Variants in VAT1L observed in about 807,000 individuals in gnomAD.
The protein encoded by VAT1L is putative NADPH-dependent quinone oxidoreductase VAT1L.
In VAT1L, 34 loss-of-function variants were observed where a neutral mutation model predicts 44.1. That is an observed-to-expected ratio of 0.77 (90% CI 0.59 to 1.03). VAT1L has a LOEUF of 1.03. VAT1L is among the 50% of genes least tolerant of loss of function. The probability of loss-of-function intolerance (pLI) is 0.00; values close to 1 mark genes in which losing one functional copy is unlikely to be tolerated. For synonymous variants in VAT1L, 253 were observed against 202.2 expected (o/e 1.25, Z -2.13); for missense variants, 615 against 538.8 (o/e 1.14, Z -1.40).
At chr16:77,834,085 T>C (rs960435225) in intron 3 of VAT1L, among the ~76,000 whole-genome samples, 2 of 152,198 alleles carry the variant, frequency 1.3e-5, no homozygotes, top group Non-Finnish European at 2.9e-5. Context: ...AATCTGTTCT[T>C]GTCACTTCCT....
At chr16:77,944,783 G>A (rs1474134542) in intron 7 of VAT1L, among the ~76,000 whole-genome samples, 1 of 152,086 alleles carries the variant, frequency 6.6e-6, no homozygotes, top group African/African-American at 2.4e-5. Context: ...TTAAACAGTT[G>A]TGGGTGGCTG....
intron 7 of VAT1L, among the ~76,000 whole-genome samples, chr16:77,914,055 C>G (rs528923767): frequency 3.0e-4 from 45 of 152,268 alleles, no homozygotes; most frequent in Middle Eastern, 3.4e-3. Context: ...ATTCAGAGAG[C>G]TTTTACTGCA....
At chr16:77,861,020 G>A (rs764808065) in intron 3 of VAT1L, among the ~76,000 whole-genome samples, 6 of 152,178 alleles carry the variant, frequency 3.9e-5, no homozygotes, top group African/African-American at 7.2e-5. Flanking sequence ...CTTTCTGAAT[G>A]TCTTTTCCTT....
Position 77,979,927 on chromosome 16 carries a change from G to C in VAT1L, c.*2232G>C, listed in dbSNP as rs747415878. 5.2e-5 allele frequency: 8 copies of C among 152,656 alleles called. No individual in the cohort carries two copies. Among genetic ancestry groups the C allele is most frequent in the Admixed American group, 1.3e-4 (2 of 15,280 alleles). 9.5% of individuals were successfully genotyped at this position (152,656 alleles called of 1,614,324 possible). On this transcript the variant is annotated 3_prime_UTR_variant, in exon 9 of 9. Transcript: ENST00000302536. ...TTGTTTTTTCTGAAGGAAGTGTAAA[G>C]AATGTCTCAGTCTGCCTTAAAGGAA... is the stretch of plus-strand genomic sequence containing the variant.
intron 3 of VAT1L, among the ~76,000 whole-genome samples, chr16:77,827,685 C>T (rs1391447631): frequency 1.3e-5 from 2 of 152,172 alleles, no homozygotes; most frequent in Non-Finnish European, 2.9e-5. Context: ...GGGAAATGGT[C>T]ATCCATGTGA....
chr16:77,882,126 G>A (rs1000806663), intron 6 of VAT1L: 2 of 152,296 alleles, frequency 1.3e-5, no homozygotes, highest in Non-Finnish European at 1.5e-5. Flanking sequence ...GGGTCATTTG[G>A]AAGAAAACTG....
At chr16:77,935,969 C>T (rs2017790835) in intron 7 of VAT1L, among the ~76,000 whole-genome samples, 1 of 152,172 alleles carries the variant, frequency 6.6e-6, no homozygotes, top group Non-Finnish European at 1.5e-5. Context: ...TTCTCCAGAG[C>T]ATCCTGCTTC....
chr16:77,792,111 G>A (rs1180178232), intron 1 of VAT1L, among the ~76,000 whole-genome samples: 1 of 152,118 alleles, frequency 6.6e-6, no homozygotes, highest in African/African-American at 2.4e-5. Flanking sequence ...GAACTTCATG[G>A]TATTGTTGAA....
At chr16:77,828,216 C>T (rs983581846) in intron 3 of VAT1L, among the ~76,000 whole-genome samples, 1 of 152,192 alleles carries the variant, frequency 6.6e-6, no homozygotes, top group Non-Finnish European at 1.5e-5. Flanking sequence ...CATCACACTC[C>T]CCTGCAGGGA....
intron 3 of VAT1L, among the ~76,000 whole-genome samples, chr16:77,851,648 G>A (rs2016809698): frequency 6.6e-6 from 1 of 151,922 alleles, no homozygotes; most frequent in Admixed American, 6.6e-5. Context: ...TTGAAAACCT[G>A]TATTAAAAAA....
chr16:77,817,150 G>A, intron 2 of VAT1L, 100 bp downstream of exon 2: 1 of 1,476,284 alleles, frequency 6.8e-7, no homozygotes, highest in Non-Finnish European at 9.1e-7. Context: ...CCTATGGCGT[G>A]CATTATTATC....
In VAT1L at chr16:77,884,686, C is replaced by A. The variant is rs528576825; in HGVS notation, c.961C>A (p.Leu321Met). 2 of 1,612,866 alleles carry A rather than the reference C, an allele frequency of 1.2e-6. 1 individual carries two copies. The highest frequency in any genetic ancestry group is 2.2e-5 in the South Asian group (2 of 90,722). Residue 321 changes from leucine (L) to methionine (M), a missense_variant, in exon 7 of 9, where the codon CTG becomes ATG. Physicochemically the swap from Leu to Met is conservative, Grantham distance 15 (BLOSUM62 2). Coordinates refer to ENST00000302536, the MANE Select transcript of VAT1L (RefSeq NM_020927.3). The surrounding 1 kb of genome is among the most constrained non-coding windows in gnomAD (Gnocchi z 4.5). ...KVIAGFSLLN[L>M]LFKQGRAGLI... ...CATCGCGGGGTTTTCCCTTTTAAAT[C>A]TGCTCTTCAAACAAGGCCGGGCGGG... is the stretch of plus-strand genomic sequence containing the variant.
intron 3 of VAT1L, among the ~76,000 whole-genome samples, chr16:77,843,270 G>A (rs977308294): frequency 6.8e-4 from 103 of 152,162 alleles, no homozygotes; most frequent in African/African-American, 2.3e-3. Flanking sequence ...GTTGGCCTCC[G>A]AGAAGCCAGC....
At chr16:77,889,971 C>A (rs1230818339) in intron 7 of VAT1L, among the ~76,000 whole-genome samples, 1 of 152,130 alleles carries the variant, frequency 6.6e-6, no homozygotes, top group African/African-American at 2.4e-5. Context: ...CCTATAGTCC[C>A]AGCTACTTGG....
chr16:77,851,391 G>A lies in VAT1L; in HGVS notation c.580-11357G>A, dbSNP rs995484284. Among the ~76,000 whole-genome samples the A allele has an allele frequency of 3.3e-5, 5 of 152,336 alleles. No individual in the cohort carries two copies. The South Asian group carries it at 8.3e-4, about 25-fold the overall frequency. ...TGGCCAGGCACGGTGGCTTATGCCT[G>A]TAATCCCAGTGCTTTGGAAAGCCGA... On this transcript the variant is annotated intron_variant, in intron 3 of 8. Coordinates refer to ENST00000302536, the MANE Select transcript of VAT1L (RefSeq NM_020927.3).
intron 1 of VAT1L, among the ~76,000 whole-genome samples, chr16:77,803,224 C>G (rs545163304): frequency 6.6e-6 from 1 of 152,246 alleles, no homozygotes; most frequent in African/African-American, 2.4e-5. Flanking sequence ...TATTACCTAA[C>G]TAAAAGTTCA....
At chr16:77,873,286 G>A (rs367554117) in intron 4 of VAT1L, among the ~76,000 whole-genome samples, 5 of 152,162 alleles carry the variant, frequency 3.3e-5, no homozygotes, top group African/African-American at 9.7e-5. Flanking sequence ...TCTGTAAGCC[G>A]TGATTTCATT....
intron 3 of VAT1L, among the ~76,000 whole-genome samples, chr16:77,825,686 T>C (rs2016511659): frequency 1.3e-5 from 2 of 151,962 alleles, no homozygotes; most frequent in Non-Finnish European, 2.9e-5. Flanking sequence ...AAATGGCCTG[T>C]GAGGACACAA....
At chr16:77,955,234 A>G (rs543576463) in intron 7 of VAT1L, among the ~76,000 whole-genome samples, 1 of 152,342 alleles carries the variant, frequency 6.6e-6, no homozygotes, top group Admixed American at 6.5e-5. Flanking sequence ...TCTCAACTGG[A>G]GGTGCTTTTG....
Sources: gnomAD v4.1 joint callset for allele counts (sites outside exome capture counted in the v4.1 genomes callset) on GRCh38, gnomAD v4.1.1 for gene constraint, Gnocchi (gnomAD v3.1) non-coding constraint, MANE v1.5 for transcripts, NCBI Gene and HGNC (gene_info 2026-07-23, HGNC 2026-07-21) for gene names.